Variants in VPS50 observed in about 807,000 individuals in gnomAD.
VPS50 encodes VPS50 subunit of EARP/GARPII complex.
In VPS50, 70 loss-of-function variants were observed where a neutral mutation model predicts 139.7. That is an observed-to-expected ratio of 0.50 (90% CI 0.41 to 0.61). The LOEUF (loss-of-function observed/expected upper bound fraction) is 0.61. Among genes scored for constraint, VPS50 ranks in the 20% least tolerant of loss-of-function variants. The pLI, the probability that VPS50 is intolerant of heterozygous loss-of-function variation, is 0.00. For synonymous variants in VPS50, 365 were observed against 376.7 expected, an observed-to-expected ratio of 0.97 and a Z score of 0.36; for missense variants, 921 against 1,133.7, an observed-to-expected ratio of 0.81 and a Z score of 2.69.
At chr7:93,306,483 T>C (rs909190147) in intron 18 of VPS50, among the ~76,000 whole-genome samples, 3 of 151,906 alleles carry the variant, frequency 2.0e-5, no homozygotes, top group Admixed American at 6.6e-5. Context: ...AGAAGTACAA[T>C]GTTTTAACAA....
chr7:93,345,069 G>A (rs1334250132), intron 23 of VPS50, among the ~76,000 whole-genome samples: 1 of 152,088 alleles, frequency 6.6e-6, no homozygotes, highest in African/African-American at 2.4e-5. Context: ...CAACAAAATT[G>A]ATAGACTGCT....
intron 23 of VPS50, among the ~76,000 whole-genome samples, chr7:93,342,101 C>T (rs190377555): frequency 6.9e-4 from 105 of 152,204 alleles, no homozygotes; most frequent in Admixed American, 3.9e-3. Context: ...AGACAGTGGG[C>T]GCAGGTCAGT....
At position 93,350,008 on chromosome 7, in the gene VPS50, A is replaced by G. The variant is rs776698916; in HGVS notation, c.2438A>G (p.Asn813Ser). 7 of 1,613,072 alleles carry G rather than the reference A, an allele frequency of 4.3e-6. No individual in the cohort carries two copies. Among genetic ancestry groups the G allele is most frequent in the Non-Finnish European group, 5.1e-6 (6 of 1,179,348 alleles). ...WDVKEIMSQH[N>S]IYVDALLKEF... ...GTAAAAGAAATTATGTCACAGCACA[A>G]CATATATGTAGATGCACTATTAAAG... Residue 813 changes from asparagine (N) to serine (S), a missense_variant, in exon 25 of 28, where the codon AAC becomes AGC. Asn to Ser is a conservative substitution (Grantham distance 46). Coordinates refer to ENST00000305866, the MANE Select transcript of VPS50 (RefSeq NM_017667.4).
At chr7:93,326,309 A>G (rs28509202) in intron 21 of VPS50, among the ~76,000 whole-genome samples, 5 of 63,602 alleles carry the variant, frequency 7.9e-5, no homozygotes, top group African/African-American at 1.2e-4. Flanking sequence ...GGGTGGGGGG[A>G]GGGGGGAGGG....
At chr7:93,240,249 A>ACACTCTCT (rs1412054767) in intron 2 of VPS50, among the ~76,000 whole-genome samples, 1 of 109,314 alleles carries the variant, frequency 9.1e-6, no homozygotes, top group African/African-American at 4.1e-5. Flanking sequence ...ACACACACAC[A>ACACTCTCT]CTCTCTCTCT....
In VPS50 at chr7:93,305,801, G is replaced by A. The variant is rs570897466; in HGVS notation, c.1453-27G>A. On this transcript the variant is annotated intron_variant, in intron 17 of 27. Transcript: ENST00000305866. ...ACTAGAATTTTATTGTTGCTAAAGG[G>A]TATCTGGCTCCTTTTTTAACATCTA... 400 of 1,585,424 alleles carry A rather than the reference G, an allele frequency of 2.5e-4. 5 individuals carry two copies. In the South Asian group the frequency reaches 4.1e-3, roughly 16 times the overall value.
At chr7:93,332,060 A>G (rs1797956164) in intron 21 of VPS50, among the ~76,000 whole-genome samples, 1 of 152,234 alleles carries the variant, frequency 6.6e-6, no homozygotes, top group African/African-American at 2.4e-5. Context: ...AAAAGGCCTG[A>G]CAGTATTAAG....
At chr7:93,347,654 T>A (rs1344662660) in intron 23 of VPS50, among the ~76,000 whole-genome samples, 1 of 147,298 alleles carries the variant, frequency 6.8e-6, no homozygotes, top group Non-Finnish European at 1.5e-5. Context: ...CCATAAAAAA[T>A]GATGAGTTCA....
intron 23 of VPS50, among the ~76,000 whole-genome samples, chr7:93,343,689 A>G (rs1023296052): frequency 6.6e-6 from 1 of 152,200 alleles, no homozygotes; most frequent in Non-Finnish European, 1.5e-5. Flanking sequence ...CAACATTCTT[A>G]AAAGAATTTC....
intron 11 of VPS50, among the ~76,000 whole-genome samples, chr7:93,274,044 C>T (rs543267481): frequency 6.1e-4 from 93 of 152,088 alleles, no homozygotes; most frequent in Non-Finnish European, 1.1e-3. Flanking sequence ...GTGTTCTGAC[C>T]GCTGTACCAA....
intron 10 of VPS50, among the ~76,000 whole-genome samples, chr7:93,272,180 G>T (rs191606872): frequency 7.9e-5 from 12 of 151,874 alleles, no homozygotes; most frequent in African/African-American, 2.9e-4. Context: ...AGATAAAAGA[G>T]CTTAAACCTT....
intron 1 of VPS50, among the ~76,000 whole-genome samples, chr7:93,237,722 A>AT (rs1438900391): frequency 6.6e-6 from 1 of 152,150 alleles, no homozygotes; most frequent in Non-Finnish European, 1.5e-5. Flanking sequence ...TATTAAATGT[A>AT]TTTTCCACTT....
chr7:93,236,689 TAAG>T (rs200780989), intron 1 of VPS50, among the ~76,000 whole-genome samples: 2,815 of 152,230 alleles, frequency 0.018, 46 homozygotes, highest in Non-Finnish European at 0.029. Context: ...GAAGATAAAA[TAAG>T]AATGACTTCA....
intron 20 of VPS50, among the ~76,000 whole-genome samples, chr7:93,316,416 T>C (rs771685539): frequency 6.6e-6 from 1 of 152,120 alleles, no homozygotes; most frequent in African/African-American, 2.4e-5. Context: ...AAGGGGAAAC[T>C]GGAGAAGGTC....
chr7:93,358,404 G>T lies in VPS50; in HGVS notation c.2863G>T (p.Ala955Ser), dbSNP rs373958295. Residue 955 changes from alanine to serine, a missense_variant, in exon 28 of 28, where the codon GCT becomes TCT. This residue lies in a region of VPS50 where 158 missense variants were observed against 156.3 expected (regional missense o/e 1.01). Transcript: ENST00000305866. ...GAAAGCAAGACAAAAACTTCTAGCA[G>T]CTATAGATGATATAGACAGACCTAA... ...NKKARQKLLA[A>S]IDDIDRPKR 58 of 1,611,354 alleles carry T rather than the reference G, an allele frequency of 3.6e-5. No individual in the cohort carries two copies. Among genetic ancestry groups the T allele is most frequent in the Non-Finnish European group, 4.8e-5 (57 of 1,177,840 alleles).
intron 1 of VPS50, 122 bp downstream of exon 1, chr7:93,232,622 G>T (rs1794668911): frequency 1.1e-6 from 1 of 880,500 alleles, no homozygotes; most frequent in Non-Finnish European, 1.8e-6. Context: ...GGTGTCAGGG[G>T]GACTGGGAAG....
chr7:93,281,999 TC>T (rs2116911598), intron 12 of VPS50, among the ~76,000 whole-genome samples: 1 of 152,126 alleles, frequency 6.6e-6, no homozygotes, highest in African/African-American at 2.4e-5. Flanking sequence ...GGTCAGGAGA[TC>T]GAGACCATCC....
At position 93,253,182 on chromosome 7, in the gene VPS50, T is replaced by G. The variant is rs948583601; in HGVS notation, c.225+407T>G. Among the ~76,000 whole-genome samples, 7 of 152,346 alleles carry G rather than the reference T, an allele frequency of 4.6e-5. No individual in the cohort carries two copies. The East Asian group carries it at 1.3e-3, about 29-fold the overall frequency. On this transcript the variant is annotated intron_variant, in intron 3 of 27. Coordinates refer to ENST00000305866, the MANE Select transcript of VPS50 (RefSeq NM_017667.4). ...ACTGACATTTTAAATTTATAAGAAC[T>G]TTAACGAAAGTCAGAATAGTGAAAT...
At chr7:93,249,139 C>A (rs187533378) in intron 2 of VPS50, among the ~76,000 whole-genome samples, 23 of 152,038 alleles carry the variant, frequency 1.5e-4, no homozygotes, top group African/African-American at 5.5e-4. Context: ...TTGCTTAGTT[C>A]TTTAGGAAAG....
Sources: gnomAD v4.1 joint callset for allele counts (sites outside exome capture counted in the v4.1 genomes callset) on GRCh38, gnomAD v4.1.1 for gene constraint, gnomAD v4.1.1 regional missense constraint, MANE v1.5 for transcripts, NCBI Gene and HGNC (gene_info 2026-07-23, HGNC 2026-07-21) for gene names.